TMOD2: variants seen among roughly 807,000 people sequenced by gnomAD.
The protein encoded by TMOD2 is tropomodulin 2.
Under a neutral mutation model 39.9 loss-of-function variants are expected in TMOD2, and 22 were observed. The ratio of observed to expected loss-of-function variants is 0.55; its 90% CI spans 0.39 to 0.79. The LOEUF (loss-of-function observed/expected upper bound fraction) is 0.79, where lower values mean the gene tolerates loss of function less well. Ranked by LOEUF, TMOD2 falls within the 30% of genes least tolerant of loss-of-function variation. TMOD2 has a pLI of 0.00. For missense variants in TMOD2, 386 were observed against 413.3 expected, an observed-to-expected ratio of 0.93 and a Z score of 0.57; for synonymous variants, 123 against 146.1, an observed-to-expected ratio of 0.84 and a Z score of 1.14.
At chr15:51,801,666 G>A (rs1039466986) in intron 8 of TMOD2, among the ~76,000 whole-genome samples, 2 of 152,106 alleles carry the variant, frequency 1.3e-5, no homozygotes, top group Non-Finnish European at 2.9e-5. Flanking sequence ...AAGAACAATC[G>A]GTGATGCATA....
chr15:51,766,262 T>C (rs1256203095), intron 1 of TMOD2, 111 bp from the exon 2 acceptor site: 3 of 479,346 alleles, frequency 6.3e-6, no homozygotes, highest in African/African-American at 3.8e-5. Flanking sequence ...TTTTGTTGAA[T>C]TATTCATTCA....
chr15:51,798,455 A>T (rs1174234827), intron 8 of TMOD2, 115 bp downstream of exon 8: 2 of 1,274,734 alleles, frequency 1.6e-6, no homozygotes, highest in African/African-American at 3.1e-5. Flanking sequence ...AATTTGATGT[A>T]CTGGATTTCC....
At chr15:51,784,296 T>G (rs1422738165) in intron 7 of TMOD2, 1 of 152,260 alleles carries the variant, frequency 6.6e-6, no homozygotes, top group Admixed American at 6.5e-5. Context: ...TGGCATTTAA[T>G]GCTCAGCCCT....
intron 4 of TMOD2, among the ~76,000 whole-genome samples, chr15:51,775,165 A>T (rs1207139534): frequency 6.6e-6 from 1 of 152,006 alleles, no homozygotes; most frequent in Non-Finnish European, 1.5e-5. Context: ...TGCCCATGTT[A>T]TTGTGGCAGA....
Position 51,814,450 on chromosome 15 carries a change from C to T in TMOD2, c.*5996C>T, listed in dbSNP as rs2056176199. ...TAAGAAAGGTTTTGAAGCATGGCCT[C>T]CAATGACTTTCATAAGCCCTTGGAG... is the stretch of plus-strand genomic sequence containing the variant. On this transcript the variant is annotated 3_prime_UTR_variant, in exon 10 of 10. Coordinates refer to ENST00000249700, the MANE Select transcript of TMOD2 (RefSeq NM_014548.4). 6.6e-6 allele frequency: 1 copy of T among 152,230 alleles called. No homozygotes were observed. The highest frequency in any genetic ancestry group is 1.5e-5 in the Non-Finnish European group (1 of 68,060). 9.4% of individuals were successfully genotyped at this position (152,230 alleles called of 1,614,324 possible). A position where few individuals can be genotyped will look rare whatever the true frequency, so the allele number is the denominator to read the frequency against.
intron 1 of TMOD2, among the ~76,000 whole-genome samples, chr15:51,758,065 G>A (rs756063385): frequency 2.0e-5 from 3 of 151,460 alleles, no homozygotes; most frequent in Non-Finnish European, 4.4e-5. Flanking sequence ...GGGGAACAGA[G>A]TGAGACCCTA....
At chr15:51,785,587 G>A (rs1051987141) in intron 7 of TMOD2, among the ~76,000 whole-genome samples, 8 of 151,914 alleles carry the variant, frequency 5.3e-5, no homozygotes, top group African/African-American at 1.9e-4. Flanking sequence ...AATAAATATA[G>A]CATGTTCTCA....
intron 2 of TMOD2, 192 bp downstream of exon 2, chr15:51,766,759 A>G (rs1239920058): frequency 2.2e-6 from 1 of 444,800 alleles, no homozygotes; most frequent in Non-Finnish European, 3.9e-6. Flanking sequence ...GATACAGCAA[A>G]TGTATTTCTC....
At chr15:51,795,843 G>A (rs915392246) in intron 7 of TMOD2, among the ~76,000 whole-genome samples, 1 of 151,712 alleles carries the variant, frequency 6.6e-6, no homozygotes, top group Non-Finnish European at 1.5e-5. Context: ...TTATTTCAAT[G>A]TAGTTTTTTT....
rs1381668338 is a variant in TMOD2, at chr15:51,815,634, G to C, written c.*7180G>C. 11 of 152,146 alleles carry C rather than the reference G, an allele frequency of 7.2e-5. No homozygotes were observed. 9.4% of individuals were successfully genotyped at this position (152,146 alleles called of 1,614,324 possible). ...GTGACAATCTTCAGTTAAGAAGTAA[G>C]TTATTCTGACCTAAAATTCTTATCT... On this transcript the variant is annotated 3_prime_UTR_variant, in exon 10 of 10. Transcript: ENST00000249700.
Position 51,810,283 on chromosome 15 carries a change from G to A in TMOD2, c.*1829G>A, listed in dbSNP as rs1234558774. 2 of 152,118 alleles carry A rather than the reference G, an allele frequency of 1.3e-5. No homozygotes were observed. Among genetic ancestry groups the A allele is most frequent in the Non-Finnish European group, 1.5e-5 (1 of 68,030 alleles). 9.4% of individuals were successfully genotyped at this position (152,118 alleles called of 1,614,324 possible). A position where few individuals can be genotyped will look rare whatever the true frequency, so the allele number is the denominator to read the frequency against. ...CAGCCATTATTTAAAATTAAATGAT[G>A]TGCACTTACAACTGAATGAATTATA... On this transcript the variant is annotated 3_prime_UTR_variant, in exon 10 of 10. Transcript: ENST00000249700.
At position 51,812,756 on chromosome 15, in the gene TMOD2, G is replaced by C. The variant is rs1202071997; in HGVS notation, c.*4302G>C. 1 of 152,188 alleles carries C rather than the reference G, an allele frequency of 6.6e-6. No homozygotes were observed. The highest frequency in any genetic ancestry group is 1.5e-5 in the Non-Finnish European group (1 of 68,032). 9.4% of individuals were successfully genotyped at this position (152,188 alleles called of 1,614,324 possible). On this transcript the variant is annotated 3_prime_UTR_variant, in exon 10 of 10. Coordinates refer to ENST00000249700, the MANE Select transcript of TMOD2 (RefSeq NM_014548.4). ...TTTCTGGAGTCAGGTTTTAAGTCAT[G>C]ATCCTGAAGCTTCCTTCCCCTCTTC... is the stretch of plus-strand genomic sequence containing the variant.
intron 8 of TMOD2, among the ~76,000 whole-genome samples, chr15:51,804,519 T>G (rs2056109305): frequency 6.6e-6 from 1 of 152,178 alleles, no homozygotes; most frequent in South Asian, 2.1e-4. Flanking sequence ...ATATTTTATA[T>G]ACATTTTAAT....
intron 7 of TMOD2, among the ~76,000 whole-genome samples, chr15:51,789,950 C>CTAGA (rs1396252856): frequency 6.6e-6 from 1 of 152,066 alleles, no homozygotes; most frequent in East Asian, 1.9e-4. Flanking sequence ...ATTAAAAGAA[C>CTAGA]TAGAGAAGCA....
In TMOD2 at chr15:51,778,830, A is replaced by T. The variant is rs114905584; in HGVS notation, c.493+1812A>T. 2.5e-3 allele frequency among the ~76,000 whole-genome samples: 373 copies of T among 151,878 alleles called. 1 individual carries two copies. Among genetic ancestry groups the T allele is most frequent in the African/African-American group, 8.5e-3 (354 of 41,416 alleles). ...CCACCACACCCAACTAATTTTTAGGATTACAGCTTTTCTTAGGTTAATTTT... is the reference window on the plus strand; with the variant it reads ...CCACCACACCCAACTAATTTTTAGGTTTACAGCTTTTCTTAGGTTAATTTT... On this transcript the variant is annotated intron_variant, in intron 5 of 9. Coordinates refer to ENST00000249700, the MANE Select transcript of TMOD2 (RefSeq NM_014548.4).
intron 2 of TMOD2, chr15:51,766,781 C>A: frequency 2.7e-6 from 1 of 370,330 alleles, no homozygotes; most frequent in Non-Finnish European, 4.8e-6. Context: ...AAAACCAGCC[C>A]AATGTAAATG....
Position 51,766,509 on chromosome 15 carries a change from A to T in TMOD2, c.68A>T (p.Lys23Ile). The change falls in exon 2 of 10, where the codon AAA becomes ATA. Residue 23 changes from lysine to isoleucine, a missense_variant. Transcript: ENST00000249700. ...KNIDEDELLG[K>I]LSEEELKQLE... Reference sequence around the variant, plus strand: ...ATTGATGAAGATGAGCTTCTTGGCAAACTCTCAGAAGAGGAACTGAAACAG... The same window carrying T: ...ATTGATGAAGATGAGCTTCTTGGCATACTCTCAGAAGAGGAACTGAAACAG... 6.2e-7 allele frequency: 1 copy of T among 1,614,116 alleles called. No individual in the cohort carries two copies. Among genetic ancestry groups the T allele is most frequent in the Non-Finnish European group, 8.5e-7 (1 of 1,179,954 alleles).
chr15:51,816,232 G>T lies in TMOD2; in HGVS notation c.*7778G>T, dbSNP rs1260925346. On this transcript the variant is annotated 3_prime_UTR_variant, in exon 10 of 10. Transcript: ENST00000249700. ...AGCCAGACCTAATGCTAAGGTAAAT[G>T]TAAACTGTTTTAATTAATTAAGATC... 2 of 152,194 alleles carry T rather than the reference G, an allele frequency of 1.3e-5. No individual in the cohort carries two copies. Among genetic ancestry groups the T allele is most frequent in the Non-Finnish European group, 2.9e-5 (2 of 68,030 alleles). 9.4% of individuals were successfully genotyped at this position (152,194 alleles called of 1,614,324 possible).
intron 7 of TMOD2, among the ~76,000 whole-genome samples, chr15:51,793,398 T>C (rs1481523684): frequency 6.6e-6 from 1 of 152,172 alleles, no homozygotes; most frequent in East Asian, 1.9e-4. Context: ...TGAAATCCAG[T>C]GTGTTTTATG....
Sources: allele counts gnomAD v4.1 joint callset (sites outside exome capture counted in the v4.1 genomes callset), GRCh38; gene constraint gnomAD v4.1.1; transcripts MANE v1.5; gene names NCBI Gene and HGNC (gene_info 2026-07-23, HGNC 2026-07-21).